MYO1H: variants seen among roughly 807,000 people sequenced by gnomAD.
The protein encoded by MYO1H is unconventional myosin-Ih.
A neutral mutation model predicts 149.3 loss-of-function variants in MYO1H; 118 were observed. The ratio of observed to expected loss-of-function variants is 0.79; its 90% confidence interval spans 0.68 to 0.92. The LOEUF (loss-of-function observed/expected upper bound fraction) is 0.92, where lower values mean the gene tolerates loss of function less well. MYO1H is among the 40% of genes least tolerant of loss of function. The pLI is 0.00. For synonymous variants in MYO1H, 447 were observed against 465.2 expected (o/e 0.96, Z 0.50); for missense variants, 1,212 against 1,280.7 (o/e 0.95, Z 0.82).
intron 1 of MYO1H, among the ~76,000 whole-genome samples, chr12:109,382,844 A>T: frequency 6.7e-6 from 1 of 149,294 alleles, no homozygotes; most frequent in Non-Finnish European, 1.5e-5. Context: ...TTATATATAT[A>T]TATTTACAGG....
rs763607759 is a variant in MYO1H, at chr12:109,444,424, C to T, written c.2896-8C>T. ...CTGAAATTATGCCTTGTCTCCTCCC[C>T]ACCCCAGGGGGATGCCGTTTTGCAG... On this transcript the variant is annotated splice_region_variant and splice_polypyrimidine_tract_variant and intron_variant, in intron 29 of 31. Coordinates refer to ENST00000310903, the Ensembl canonical transcript of MYO1H. 5 of 1,612,314 alleles carry T rather than the reference C, an allele frequency of 3.1e-6. No homozygotes were observed. Among genetic ancestry groups the T allele is most frequent in the Non-Finnish European group, 4.2e-6 (5 of 1,178,458 alleles).
the MYO1H span, among the ~76,000 whole-genome samples, chr12:109,342,126 C>CT: frequency 7.6e-3 from 961 of 126,008 alleles, 44 homozygotes; most frequent in African/African-American, 0.019. Context: ...AAATTTGATT[C>CT]TTTTTTTTTT....
chr12:109,372,273 A>G (rs1430215030), intron 1 of MYO1H, among the ~76,000 whole-genome samples: 1 of 151,950 alleles, frequency 6.6e-6, no homozygotes, highest in Non-Finnish European at 1.5e-5. Flanking sequence ...TAGTGTTTAA[A>G]TCTTTGATCC....
the MYO1H span, among the ~76,000 whole-genome samples, chr12:109,325,669 C>T: frequency 1.3e-5 from 2 of 152,120 alleles, no homozygotes; most frequent in African/African-American, 2.4e-5. Flanking sequence ...AAAAATTTTG[C>T]AATCTATCCA....
the MYO1H span, among the ~76,000 whole-genome samples, chr12:109,330,243 A>AGT: frequency 2.0e-3 from 306 of 152,270 alleles, no homozygotes; most frequent in African/African-American, 7.0e-3. Context: ...TTCCAAATAA[A>AGT]GTGTGTGTGT....
upstream of MYO1H, among the ~76,000 whole-genome samples, chr12:109,343,780 T>C (rs972201977): frequency 2.6e-5 from 4 of 152,332 alleles, no homozygotes; most frequent in African/African-American, 7.2e-5. Context: ...AGTGGTCACT[T>C]TTCAAGAGGG....
chr12:109,325,518 G>A, the MYO1H span, among the ~76,000 whole-genome samples: 4 of 152,136 alleles, frequency 2.6e-5, no homozygotes, highest in Non-Finnish European at 4.4e-5. Context: ...CAGGACATAC[G>A]CATAGGCAAA....
chr12:109,400,492 T>C (rs1189991940), intron 5 of MYO1H, among the ~76,000 whole-genome samples: 1 of 152,236 alleles, frequency 6.6e-6, no homozygotes, highest in Non-Finnish European at 1.5e-5. Context: ...CATTCAAGTC[T>C]TTTGCCCGTT....
the MYO1H span, among the ~76,000 whole-genome samples, chr12:109,318,981 T>TTTTTTTTG: frequency 1.0e-4 from 5 of 49,640 alleles, no homozygotes; most frequent in African/African-American, 3.6e-4. Flanking sequence ...TGTTTTTTTT[T>TTTTTTTTG]TTTTTTTTTT....
the MYO1H span, among the ~76,000 whole-genome samples, chr12:109,329,898 G>T: frequency 6.6e-6 from 1 of 152,192 alleles, no homozygotes; most frequent in African/African-American, 2.4e-5. Context: ...AGCACTGTGG[G>T]TACAGCTGTG....
chr12:109,408,611 A>T (rs1592799999), intron 10 of MYO1H, among the ~76,000 whole-genome samples: 1 of 152,186 alleles, frequency 6.6e-6, no homozygotes, highest in East Asian at 1.9e-4. Context: ...TTATTTAAAT[A>T]AAAAAGGGAT....
intron 13 of MYO1H, among the ~76,000 whole-genome samples, chr12:109,411,583 G>C (rs1387297404): frequency 1.3e-5 from 2 of 151,618 alleles, no homozygotes; most frequent in African/African-American, 4.9e-5. Context: ...GGTCAGTGAT[G>C]ACTGGTTTAG....
At chr12:109,441,395 G>A (rs532401231) in intron 25 of MYO1H, among the ~76,000 whole-genome samples, 135 of 152,266 alleles carry the variant, frequency 8.9e-4, no homozygotes, top group African/African-American at 3.2e-3. Context: ...TTTCAGGAAG[G>A]TAGTAAGGGA....
At position 109,415,688 on chromosome 12, in the gene MYO1H, G is replaced by A. The variant is rs748155761; in HGVS notation, c.1597+68G>A. ...AGCCTGGTGTCTTACAATAAGCTCC[G>A]AGTCCATGCAGGAAATGGTGCACAG... On this transcript the variant is annotated intron_variant, in intron 15 of 31. Coordinates refer to ENST00000310903, the Ensembl canonical transcript of MYO1H. 1.3e-4 allele frequency: 151 copies of A among 1,193,606 alleles called. 1 individual carries two copies. The highest frequency in any genetic ancestry group is 2.3e-4 in the Admixed American group (9 of 39,890). 73.9% of individuals were successfully genotyped at this position (1,193,606 alleles called of 1,614,324 possible). A position where few individuals can be genotyped will look rare whatever the true frequency, so the allele number is the denominator to read the frequency against.
rs372791875 is a variant in MYO1H, at chr12:109,424,812, G to C, written c.1709G>C (p.Arg570Pro). 14 of 1,613,686 alleles carry C rather than the reference G, an allele frequency of 8.7e-6. No individual in the cohort carries two copies. Among genetic ancestry groups the C allele is most frequent in the Middle Eastern group, 1.6e-4 (1 of 6,082 alleles). The change falls in exon 17 of 32, where the codon CGG (arginine) becomes CCG (proline). Residue 570 changes from arginine to proline, a missense_variant. Transcript: ENST00000310903. Reference sequence around the variant, plus strand: ...TTCCTGCTGGCCGAGTTAGAAAACCGGAGGAGGCCCCCAACAGTGAGTGGG... The same window carrying C: ...TTCCTGCTGGCCGAGTTAGAAAACCCGAGGAGGCCCCCAACAGTGAGTGGG...
At chr12:109,327,602 C>T in the MYO1H span, among the ~76,000 whole-genome samples, 11 of 151,518 alleles carry the variant, frequency 7.3e-5, no homozygotes, top group Non-Finnish European at 1.6e-4. Flanking sequence ...AAAAATTAGC[C>T]AGGTGTGGTG....
At chr12:109,359,480 G>C (rs1197181747) in intron 1 of MYO1H, 1 of 152,050 alleles carries the variant, frequency 6.6e-6, no homozygotes, top group Non-Finnish European at 1.5e-5. Flanking sequence ...ACCGTTAACC[G>C]CACAATTTAG....
intron 22 of MYO1H, among the ~76,000 whole-genome samples, chr12:109,437,933 C>CA (rs113639230): frequency 4.0e-5 from 6 of 150,250 alleles, no homozygotes; most frequent in African/African-American, 7.3e-5. Flanking sequence ...ACTAAAAATA[C>CA]AAAAAAAAAT....
At chr12:109,325,277 A>G in the MYO1H span, among the ~76,000 whole-genome samples, 1 of 152,156 alleles carries the variant, frequency 6.6e-6, no homozygotes, top group African/African-American at 2.4e-5. Context: ...CTGGTTCTAG[A>G]TCCTTGAGGA....
Sources: allele counts gnomAD v4.1 joint callset (sites outside exome capture counted in the v4.1 genomes callset), GRCh38; gene constraint gnomAD v4.1.1; transcripts MANE v1.5; gene names NCBI Gene and HGNC (gene_info 2026-07-23, HGNC 2026-07-21).